Variants in IL6ST observed in about 807,000 individuals in gnomAD.
IL6ST encodes the protein interleukin 6 cytokine family signal transducer, also known as interleukin-6 receptor subunit beta.
IL6ST carries 24 observed loss-of-function variants against 91.3 expected under a neutral mutation model. The observed-to-expected ratio is 0.26, with a 90% CI of 0.19 to 0.37. The LOEUF (loss-of-function observed/expected upper bound fraction) is 0.37, where lower values mean the gene tolerates loss of function less well. Ranked by LOEUF, IL6ST falls within the 10% of genes least tolerant of loss-of-function variation. IL6ST has a pLI of 1.00. For missense variants in IL6ST, 914 were observed against 1,078.5 expected (o/e 0.85, Z 2.14); for synonymous variants, 351 against 373.6 (o/e 0.94, Z 0.70).
At chr5:55,951,428 G>A (rs1199564546) in intron 14 of IL6ST, 36 bp downstream of exon 14, 1 of 1,547,256 alleles carries the variant, frequency 6.5e-7, no homozygotes, top group African/African-American at 1.4e-5. Context: ...ACCTAAGTTT[G>A]AGAAAGAAAA....
At chr5:55,982,854 AAT>A (rs2111900998) in intron 1 of IL6ST, 43 bp from the exon 2 acceptor site, 2 of 397,796 alleles carry the variant, frequency 5.0e-6, no homozygotes, top group East Asian at 7.2e-5. Context: ...TGGCTTTGAT[AAT>A]TTTATTATAT....
rs2111712213 is a variant in IL6ST at position 55,956,069 on chromosome 5, T to G, written c.1223A>C (p.Lys408Thr). The G allele has an allele frequency of 6.2e-7, 1 of 1,613,844 alleles. No individual in the cohort carries two copies. Among genetic ancestry groups the G allele is most frequent in the Non-Finnish European group, 8.5e-7 (1 of 1,179,780 alleles). The part of the protein sequence containing the change: ...ATLTVRNLVG[K>T]SDAAVLTIPA... The stretch of plus-strand genomic sequence containing the variant: ...GATAGTTAAAACAGCTGCATCTGAT[T>G]TGCCAACAAGATTTCTTACTGTTAG... Residue 408 changes from lysine to threonine, a missense_variant, in exon 10 of 17, where the codon AAA (lysine) becomes ACA (threonine). Physicochemically the swap from Lys to Thr is moderately conservative, Grantham distance 78. Coordinates refer to ENST00000381298, the MANE Select transcript of IL6ST (RefSeq NM_002184.4).
intron 9 of IL6ST, among the ~76,000 whole-genome samples, chr5:55,956,789 G>A (rs1056747840): frequency 2.6e-5 from 4 of 152,072 alleles, no homozygotes; most frequent in Admixed American, 6.6e-5. Context: ...AGTAAAAATA[G>A]TAATCAAATG....
In IL6ST at chr5:55,993,822, C is replaced by T. The variant is rs73122429; in HGVS notation, c.-104+962G>A. On this transcript the variant is annotated intron_variant, in intron 1 of 16. Transcript: ENST00000381298. ...AATTTAAGAAATTAACATAATGGCA[C>T]ACAGCTAAACTGATGATCTGAGTCC... Among the ~76,000 whole-genome samples the T allele has an allele frequency of 3.7e-3, 559 of 152,194 alleles. 2 individuals carry two copies. The highest frequency in any genetic ancestry group is 0.013 in the African/African-American group (531 of 41,538).
intron 7 of IL6ST, 75 bp from the exon 8 acceptor site, chr5:55,960,636 T>C (rs954428035): frequency 8.9e-7 from 1 of 1,128,276 alleles, no homozygotes; most frequent in Non-Finnish European, 1.2e-6. Context: ...ATTCAGAAAC[T>C]TTTTTTTTTG....
intron 14 of IL6ST, chr5:55,950,044 G>C (rs577280059): frequency 2.2e-4 from 60 of 274,260 alleles, no homozygotes; most frequent in South Asian, 2.1e-3. Context: ...TGCAGTTGAA[G>C]AAAATGATGA....
rs1751129817 is a variant in IL6ST, at chr5:55,944,647, C to A, written c.1938-1896G>T. 13 of 995,208 alleles carry A rather than the reference C, an allele frequency of 1.3e-5. No homozygotes were observed. The Admixed American group carries it at 2.0e-4, about 16-fold the overall frequency. The allele number at this position is 995,208 out of a possible 1,614,324, so 61.6% of individuals were successfully genotyped here. The stretch of plus-strand genomic sequence containing the variant: ...GCCTTAGCGCCATTTTTTTGGAAAC[C>A]TCGGCGCCATGAGAGCCAAGTGGAG... On this transcript the variant is annotated intron_variant, in intron 15 of 16. Transcript: ENST00000381298.
At chr5:55,990,181 T>C (rs1754229899) in intron 1 of IL6ST, among the ~76,000 whole-genome samples, 2 of 152,124 alleles carry the variant, frequency 1.3e-5, no homozygotes, top group Admixed American at 6.5e-5. Context: ...ATCATCTATA[T>C]ACTATAGCCA....
intron 4 of IL6ST, among the ~76,000 whole-genome samples, chr5:55,968,643 C>T (rs544795736): frequency 1.3e-5 from 2 of 152,174 alleles, no homozygotes; most frequent in South Asian, 4.2e-4. Context: ...CATTAATTTT[C>T]TATGTAAAAT....
At chr5:55,959,153 C>T (rs1006829866) in intron 8 of IL6ST, among the ~76,000 whole-genome samples, 4 of 152,138 alleles carry the variant, frequency 2.6e-5, no homozygotes, top group Non-Finnish European at 5.9e-5. Flanking sequence ...AGGCACTAAC[C>T]ACAATATTTT....
intron 1 of IL6ST, among the ~76,000 whole-genome samples, chr5:55,985,181 A>G (rs1356194687): frequency 1.3e-5 from 2 of 152,144 alleles, no homozygotes; most frequent in Non-Finnish European, 2.9e-5. Flanking sequence ...CAATTCATCA[A>G]TTTGTGTTTT....
chr5:55,968,237 T>G (rs1466272602), intron 5 of IL6ST, 39 bp downstream of exon 5: 1 of 1,508,816 alleles, frequency 6.6e-7, no homozygotes, highest in South Asian at 1.2e-5. Context: ...ATGACTAACT[T>G]TAATAAATCT....
chr5:55,951,461 T>C lies in IL6ST; in HGVS notation c.1840+3A>G, dbSNP rs1751624725. On this transcript the variant is annotated splice_donor_region_variant and intron_variant, in intron 14 of 16. Coordinates refer to ENST00000381298, the MANE Select transcript of IL6ST (RefSeq NM_002184.4). Reference sequence around the variant, plus strand: ...AAAAAAACCAAACTTCATTATTTCTTACCAAACTTTGGGGTAGTAAAAGTG... The same window carrying C: ...AAAAAAACCAAACTTCATTATTTCTCACCAAACTTTGGGGTAGTAAAAGTG... 1.2e-6 allele frequency: 2 copies of C among 1,606,576 alleles called. No homozygotes were observed. Among genetic ancestry groups the C allele is most frequent in the Non-Finnish European group, 1.7e-6 (2 of 1,177,284 alleles).
In IL6ST at chr5:55,984,134, C is replaced by T. The variant is rs188364178; in HGVS notation, c.-103-1323G>A. 1.2e-4 allele frequency among the ~76,000 whole-genome samples: 19 copies of T among 152,124 alleles called. No individual in the cohort carries two copies. The East Asian group carries it at 3.3e-3, about 26-fold the overall frequency. ...GTTCTCTCTTGCAATTAGTTAACTCCGTTATTAAAGTGCAAAAGCAGCCAT... is the reference window on the plus strand; with the variant it reads ...GTTCTCTCTTGCAATTAGTTAACTCTGTTATTAAAGTGCAAAAGCAGCCAT... On this transcript the variant is annotated intron_variant, in intron 1 of 16. Coordinates refer to ENST00000381298, the MANE Select transcript of IL6ST (RefSeq NM_002184.4).
intron 15 of IL6ST, among the ~76,000 whole-genome samples, chr5:55,946,205 AT>A (rs1164079135): frequency 3.3e-5 from 5 of 152,218 alleles, no homozygotes; most frequent in African/African-American, 1.2e-4. Context: ...ACCCACTAGA[AT>A]GAAAGAAGTC....
At chr5:55,958,700 A>G (rs1340847067) in intron 8 of IL6ST, among the ~76,000 whole-genome samples, 1 of 152,034 alleles carries the variant, frequency 6.6e-6, no homozygotes, top group East Asian at 1.9e-4. Flanking sequence ...TTTGCTGGGC[A>G]TGGTGACACG....
chr5:55,979,932 T>C (rs1753545090), intron 2 of IL6ST, among the ~76,000 whole-genome samples: 2 of 152,212 alleles, frequency 1.3e-5, no homozygotes, highest in African/African-American at 4.8e-5. Context: ...ATGTAAATAC[T>C]TGTAGCCATT....
chr5:55,982,945 T>G (rs1286372279), intron 1 of IL6ST, 134 bp from the exon 2 acceptor site: 1 of 387,922 alleles, frequency 2.6e-6, no homozygotes, highest in Non-Finnish European at 4.5e-6. Flanking sequence ...GTTCTGAGCT[T>G]CAGAATAAAA....
Position 55,952,047 on chromosome 5 carries a change from T to C in IL6ST, c.1581A>G (p.Thr527=). The C allele has an allele frequency of 6.2e-7, 1 of 1,613,808 alleles. No homozygotes were observed. Among genetic ancestry groups the C allele is most frequent in the South Asian group, 1.1e-5 (1 of 91,002 alleles). The change falls in exon 13 of 17, where the codon ACA becomes ACG. Residue 527 remains threonine (T), a synonymous_variant. Transcript: ENST00000381298. ...CAGCTTCGTTTTTCCCTACTTTTTT[T>C]GTCCGAACAGTAGGTCCTTTGGAAG... ...APPSKGPTVR[T]KKVGKNEAVL... is the part of the protein sequence containing the mutation.
Sources: gnomAD v4.1 joint callset for allele counts (sites outside exome capture counted in the v4.1 genomes callset) on GRCh38, gnomAD v4.1.1 for gene constraint, MANE v1.5 for transcripts, NCBI Gene and HGNC (gene_info 2026-07-23, HGNC 2026-07-21) for gene names.